The following SLIT2 variants were observed in gnomAD, a reference collection of about 807,000 sequenced individuals.
SLIT2 encodes the protein slit guidance ligand 2, also known as slit homolog 2 protein.
SLIT2 carries 41 observed loss-of-function variants against 185.7 expected under a neutral mutation model. The ratio of observed to expected loss-of-function variants is 0.22; its 90% confidence interval spans 0.17 to 0.29. The LOEUF is 0.29. Ranked by LOEUF, SLIT2 falls within the 10% of genes least tolerant of loss-of-function variation. SLIT2 has a pLI of 1.00. For missense variants in SLIT2, 1,571 were observed against 1,909.0 expected, an observed-to-expected ratio of 0.82 and a Z score of 3.30; for synonymous variants, 693 against 680.2, an observed-to-expected ratio of 1.02 and a Z score of -0.29.
chr4:20,435,869 A>T (rs2109518658), intron 4 of SLIT2, among the ~76,000 whole-genome samples: 1 of 152,276 alleles, frequency 6.6e-6, no homozygotes, highest in South Asian at 2.1e-4. Context: ...TGTGCAGATA[A>T]ATTTAACTTG....
At chr4:20,518,557 G>GTGTATATATATATATA (rs1271279922) in intron 11 of SLIT2, among the ~76,000 whole-genome samples, 375 of 17,852 alleles carry the variant, frequency 0.021, 70 homozygotes, top group East Asian at 0.057. Flanking sequence ...CAGCCTATAT[G>GTGTATATATATATATA]TATATATATA....
At chr4:20,511,031 G>T in intron 10 of SLIT2, 35 bp from the exon 11 acceptor site, 2 of 1,333,716 alleles carry the variant, frequency 1.5e-6, no homozygotes, top group South Asian at 2.4e-5. Flanking sequence ...ACTGACATTT[G>T]ATTGAATGTA....
chr4:20,501,346 C>T (rs1322072819), intron 9 of SLIT2, among the ~76,000 whole-genome samples: 4 of 152,066 alleles, frequency 2.6e-5, no homozygotes, highest in Admixed American at 6.6e-5. Context: ...AGTGCAGTGG[C>T]GTGATCTCGG....
intron 4 of SLIT2, among the ~76,000 whole-genome samples, chr4:20,278,013 A>C (rs2109048145): frequency 6.6e-6 from 1 of 152,000 alleles, no homozygotes; most frequent in East Asian, 1.9e-4. Context: ...TACCTCTCTA[A>C]AACTATCTTT....
intron 33 of SLIT2, among the ~76,000 whole-genome samples, chr4:20,604,041 G>A (rs1728603544): frequency 6.6e-6 from 1 of 152,094 alleles, no homozygotes; most frequent in South Asian, 2.1e-4. Flanking sequence ...TTTCATGTTT[G>A]GTTATGAGAA....
At chr4:20,323,073 A>C (rs1364366152) in intron 4 of SLIT2, among the ~76,000 whole-genome samples, 2 of 152,308 alleles carry the variant, frequency 1.3e-5, no homozygotes, top group South Asian at 2.1e-4. Context: ...AGGAACTAAA[A>C]CCGGTCATGT....
At chr4:20,555,598 A>G (rs1032155542) in intron 26 of SLIT2, among the ~76,000 whole-genome samples, 3 of 152,262 alleles carry the variant, frequency 2.0e-5, no homozygotes, top group East Asian at 1.9e-4. Flanking sequence ...AAGGTGATGT[A>G]GGACACTTCA....
At chr4:20,555,425 T>C (rs1452221901) in intron 26 of SLIT2, among the ~76,000 whole-genome samples, 1 of 152,100 alleles carries the variant, frequency 6.6e-6, no homozygotes, top group African/African-American at 2.4e-5. Context: ...ACTTTACTAG[T>C]CTGTGCCTCG....
chr4:20,568,478 A>ACCAGTT (rs1209595834), intron 28 of SLIT2, among the ~76,000 whole-genome samples: 4 of 152,152 alleles, frequency 2.6e-5, no homozygotes, highest in African/African-American at 9.6e-5. Flanking sequence ...AAAGATCAGA[A>ACCAGTT]CCAGTTCCTC....
At chr4:20,444,426 G>A (rs1711547462) in intron 4 of SLIT2, among the ~76,000 whole-genome samples, 7 of 152,034 alleles carry the variant, frequency 4.6e-5, no homozygotes, top group Admixed American at 4.6e-4. Context: ...ATATTCAGGT[G>A]TAACTGTCTT....
At chr4:20,399,920 A>T (rs539495268) in intron 4 of SLIT2, among the ~76,000 whole-genome samples, 109 of 151,862 alleles carry the variant, frequency 7.2e-4, no homozygotes, top group Non-Finnish European at 1.2e-3. Flanking sequence ...GCATCAGAAG[A>T]TGATGGATGA....
chr4:20,477,584 G>A (rs1263599519), intron 5 of SLIT2, among the ~76,000 whole-genome samples: 4 of 152,152 alleles, frequency 2.6e-5, no homozygotes, highest in Admixed American at 6.5e-5. Context: ...GACAGCAAAG[G>A]ATCACATAGA....
chr4:20,449,194 T>C (rs1712187581), intron 4 of SLIT2, among the ~76,000 whole-genome samples: 1 of 152,188 alleles, frequency 6.6e-6, no homozygotes, highest in Admixed American at 6.5e-5. Flanking sequence ...AGTTATATGC[T>C]CAGGGACTGG....
chr4:20,358,395 T>TA (rs1722498254), intron 4 of SLIT2, among the ~76,000 whole-genome samples: 1 of 152,184 alleles, frequency 6.6e-6, no homozygotes, highest in African/African-American at 2.4e-5. Flanking sequence ...GGCCAAAAGT[T>TA]ACAGTAATGA....
intron 5 of SLIT2, among the ~76,000 whole-genome samples, chr4:20,468,423 C>CT (rs1714598889): frequency 6.6e-6 from 1 of 152,024 alleles, no homozygotes; most frequent in Non-Finnish European, 1.5e-5. Flanking sequence ...ATTTCTTACA[C>CT]TTTCCCTCAT....
intron 8 of SLIT2, 119 bp downstream of exon 8, chr4:20,489,101 A>G: frequency 1.4e-6 from 1 of 695,630 alleles, no homozygotes. Context: ...TTGTGCACTA[A>G]TCACTCTACA....
At chr4:20,490,174 A>G (rs563260438) in intron 8 of SLIT2, among the ~76,000 whole-genome samples, 3 of 152,222 alleles carry the variant, frequency 2.0e-5, no homozygotes, top group Non-Finnish European at 4.4e-5. Flanking sequence ...ACGTTTACTG[A>G]GTTTTTTAAT....
intron 11 of SLIT2, among the ~76,000 whole-genome samples, chr4:20,513,555 A>C (rs1443254929): frequency 6.6e-6 from 1 of 152,232 alleles, no homozygotes; most frequent in Non-Finnish European, 1.5e-5. Context: ...GCCCTAGTAG[A>C]GGGTCTAGAG....
intron 4 of SLIT2, among the ~76,000 whole-genome samples, chr4:20,423,533 C>G (rs1728321571): frequency 6.6e-6 from 1 of 151,386 alleles, no homozygotes; most frequent in African/African-American, 2.4e-5. Flanking sequence ...AATTATATTT[C>G]AAGGTGGAAG....
Sources: gnomAD v4.1 joint callset for allele counts (sites outside exome capture counted in the v4.1 genomes callset) on GRCh38, gnomAD v4.1.1 for gene constraint, MANE v1.5 for transcripts, NCBI Gene and HGNC (gene_info 2026-07-23, HGNC 2026-07-21) for gene names.